NRROS: variants seen among roughly 807,000 people sequenced by gnomAD.
NRROS encodes transforming growth factor beta activator LRRC33.
In NRROS, 6 loss-of-function variants were observed where a neutral mutation model predicts 12.0. The ratio of observed to expected loss-of-function variants is 0.50; its 90% CI spans 0.27 to 0.98. NRROS has a LOEUF of 0.98. Among genes scored for constraint, NRROS ranks in the 50% least tolerant of loss-of-function variants. NRROS has a pLI of 0.11. For synonymous variants in NRROS, 462 were observed against 410.2 expected (o/e 1.13, Z -1.53); for missense variants, 857 against 888.2 (o/e 0.96, Z 0.45).
intron 2 of NRROS, among the ~76,000 whole-genome samples, chr3:196,655,396 G>A (rs1011613265): frequency 2.6e-5 from 4 of 151,874 alleles, no homozygotes; most frequent in Admixed American, 1.3e-4. Context: ...TTAGCTGGGC[G>A]TGGTGGTGCA....
At chr3:196,650,303 C>T (rs1174251769) in intron 1 of NRROS, among the ~76,000 whole-genome samples, 1 of 152,214 alleles carries the variant, frequency 6.6e-6, no homozygotes, top group Non-Finnish European at 1.5e-5. Flanking sequence ...GCCACCACGC[C>T]CAGCTAATTT....
chr3:196,649,688 G>T (rs1380318735), intron 1 of NRROS, among the ~76,000 whole-genome samples: 1 of 152,116 alleles, frequency 6.6e-6, no homozygotes, highest in Non-Finnish European at 1.5e-5. Flanking sequence ...AGCCAGGATG[G>T]TCTCGATCTC....
rs200394314 is a variant in NRROS, at chr3:196,659,733, G to A, written c.109-19G>A. 2 of 1,595,958 alleles carry A rather than the reference G, an allele frequency of 1.3e-6. No individual in the cohort carries two copies. Among genetic ancestry groups the A allele is most frequent in the Non-Finnish European group, 1.7e-6 (2 of 1,169,560 alleles). ...CCTCTGGGCCTCCTCGCTGCTGACCGGTGTGGTTTTGGCCGCAGGTGGGTG... is the reference window on the plus strand; with the variant it reads ...CCTCTGGGCCTCCTCGCTGCTGACCAGTGTGGTTTTGGCCGCAGGTGGGTG... On this transcript the variant is annotated intron_variant, in intron 2 of 2. Coordinates refer to ENST00000328557, the MANE Select transcript of NRROS (RefSeq NM_198565.3).
At position 196,654,432 on chromosome 3, in the gene NRROS, A is replaced by G. The variant is rs1034275331; in HGVS notation, c.-13-95A>G. 1 of 783,898 alleles carries G rather than the reference A, an allele frequency of 1.3e-6. No individual in the cohort carries two copies. The highest frequency in any genetic ancestry group is 2.3e-6 in the Non-Finnish European group (1 of 432,332). 48.6% of individuals were successfully genotyped at this position (783,898 alleles called of 1,614,324 possible). A position where few individuals can be genotyped will look rare whatever the true frequency, so the allele number is the denominator to read the frequency against. On this transcript the variant is annotated intron_variant, in intron 1 of 2. Transcript: ENST00000328557. The surrounding 1 kb of genome is among the most constrained non-coding windows in gnomAD (Gnocchi z 4.4). The stretch of plus-strand genomic sequence containing the variant: ...TGGAGCTCCACAGAGCTCCAAGACC[A>G]CATAGAATTGGAACTGGCTCCTTCT...
chr3:196,660,989 G>C lies in NRROS; in HGVS notation c.1346G>C (p.Arg449Pro). Residue 449 changes from arginine to proline, a missense_variant, in exon 3 of 3, where the codon CGG (arginine) becomes CCG (proline). Physicochemically the swap from Arg to Pro is moderately radical, Grantham distance 103. Coordinates refer to ENST00000328557, the MANE Select transcript of NRROS (RefSeq NM_198565.3). This position sits in a 1 kb window ranked among gnomAD's most constrained non-coding sequence, Gnocchi z 7.7. ...TGTCCCCTGCCAGCTGCCTCGGACC[G>C]GGTGGGCCCCCCTAGCTGTGTGGAT... The part of the protein sequence containing the change: ...SLCPLPAASD[R>P]VGPPSCVDFR... 1 of 1,614,180 alleles carries C rather than the reference G, an allele frequency of 6.2e-7. No homozygotes were observed. The highest frequency in any genetic ancestry group is 1.6e-4 in the Middle Eastern group (1 of 6,062).
chr3:196,656,633 C>T (rs1365690907), intron 2 of NRROS, among the ~76,000 whole-genome samples: 1 of 152,194 alleles, frequency 6.6e-6, no homozygotes, highest in Non-Finnish European at 1.5e-5. Flanking sequence ...GTTTGACCTC[C>T]AGCATTCTCT....
At position 196,644,914 on chromosome 3, in the gene NRROS, G is replaced by A. The variant is rs537515554; in HGVS notation, c.-14+5039G>A. Among the ~76,000 whole-genome samples the A allele has an allele frequency of 2.0e-5, 3 of 151,846 alleles. No individual in the cohort carries two copies. In the South Asian group the frequency reaches 6.2e-4, roughly 32 times the overall value. On this transcript the variant is annotated intron_variant, in intron 1 of 2. Transcript: ENST00000328557. ...GCTGTAGTGTGCTACAATCCCATCT[G>A]TGAATAACTACTGCACTCCAGCCTG...
At chr3:196,659,441 G>A (rs143150871) in intron 2 of NRROS, among the ~76,000 whole-genome samples, 5,647 of 151,758 alleles carry the variant, frequency 0.037, 147 homozygotes, top group Non-Finnish European at 0.055. Flanking sequence ...CGGAGTAGCT[G>A]GGATTACAGG....
intron 1 of NRROS, among the ~76,000 whole-genome samples, chr3:196,649,722 G>C (rs995254466): frequency 2.6e-5 from 4 of 152,050 alleles, no homozygotes; most frequent in Non-Finnish European, 5.9e-5. Context: ...CACCCGCCTC[G>C]GCCTCCCAAA....
At position 196,659,994 on chromosome 3, in the gene NRROS, C is replaced by T. The variant is rs745566039; in HGVS notation, c.351C>T (p.Leu117=). The change falls in exon 3 of 3, where the codon CTC becomes CTT. Residue 117 remains leucine (L), a synonymous_variant. Transcript: ENST00000328557. Reference sequence around the variant, plus strand: ...GCCTGGTCCTGGGGGACAACTGCCTCTCAGAGAACTACGAAGAGACGGCAG... The same window carrying T: ...GCCTGGTCCTGGGGGACAACTGCCTTTCAGAGAACTACGAAGAGACGGCAG... ...LRSLVLGDNC[L]SENYEETAAA... is the part of the protein sequence containing the mutation. The T allele has an allele frequency of 6.1e-5, 99 of 1,613,656 alleles. No individual in the cohort carries two copies. In the East Asian group the frequency reaches 1.9e-3, roughly 31 times the overall value.
intron 1 of NRROS, among the ~76,000 whole-genome samples, chr3:196,648,625 G>A (rs1238620985): frequency 6.6e-6 from 1 of 151,796 alleles, no homozygotes; most frequent in Non-Finnish European, 1.5e-5. Context: ...AATTAGCCAG[G>A]CATGCTGGTG....
chr3:196,645,981 C>T (rs1477349383), intron 1 of NRROS, among the ~76,000 whole-genome samples: 2 of 152,276 alleles, frequency 1.3e-5, no homozygotes, highest in Non-Finnish European at 2.9e-5. Context: ...CTATGGAAAG[C>T]GTCTGTCCCC....
intron 2 of NRROS, among the ~76,000 whole-genome samples, chr3:196,656,277 G>A (rs1737536074): frequency 6.6e-6 from 1 of 152,244 alleles, no homozygotes; most frequent in Non-Finnish European, 1.5e-5. Context: ...TTACATTCAA[G>A]TATGTATTCT....
chr3:196,643,615 G>C (rs1560339020), intron 1 of NRROS, among the ~76,000 whole-genome samples: 1 of 152,338 alleles, frequency 6.6e-6, no homozygotes, highest in East Asian at 1.9e-4. Flanking sequence ...TTCTCAAGCA[G>C]GACCTAAGTG....
At chr3:196,658,366 A>G (rs1266469013) in intron 2 of NRROS, among the ~76,000 whole-genome samples, 1 of 152,178 alleles carries the variant, frequency 6.6e-6, no homozygotes, top group South Asian at 2.1e-4. Context: ...GTGACAGAAG[A>G]GTTGAGGTTT....
chr3:196,641,701 C>T (rs1013122904), intron 1 of NRROS, among the ~76,000 whole-genome samples: 14 of 152,160 alleles, frequency 9.2e-5, no homozygotes, highest in African/African-American at 3.4e-4. Flanking sequence ...TGTCTGTCTC[C>T]AGTCTTGACT....
At chr3:196,646,539 C>T (rs1013206134) in intron 1 of NRROS, among the ~76,000 whole-genome samples, 1 of 152,344 alleles carries the variant, frequency 6.6e-6, no homozygotes, top group South Asian at 2.1e-4. Context: ...ACGAGGTGGG[C>T]TGACCTCTGA....
chr3:196,657,579 A>T (rs1737565878), intron 2 of NRROS, among the ~76,000 whole-genome samples: 1 of 151,788 alleles, frequency 6.6e-6, no homozygotes, highest in African/African-American at 2.4e-5. Context: ...TGGTGGTGTG[A>T]GTCTGTAATC....
chr3:196,653,495 G>A (rs1023081002), intron 1 of NRROS, among the ~76,000 whole-genome samples: 1 of 152,244 alleles, frequency 6.6e-6, no homozygotes, highest in African/African-American at 2.4e-5. Flanking sequence ...TGGGCCTCCG[G>A]TAGGTGTCAA....
Sources: allele counts gnomAD v4.1 joint callset (sites outside exome capture counted in the v4.1 genomes callset), GRCh38; gene constraint gnomAD v4.1.1; non-coding constraint Gnocchi (gnomAD v3.1); transcripts MANE v1.5; gene names NCBI Gene and HGNC (gene_info 2026-07-23, HGNC 2026-07-21).